Variants in ADTRP observed in about 807,000 individuals in gnomAD.
The protein encoded by ADTRP is androgen-dependent TFPI-regulating protein.
Under a neutral mutation model 27.0 loss-of-function variants are expected in ADTRP, and 20 were observed. That is an observed-to-expected ratio of 0.74 (90% confidence interval 0.52 to 1.08). The LOEUF is 1.08. ADTRP is among the 50% of genes least tolerant of loss of function. The pLI is 0.00. For missense variants in ADTRP, 251 were observed against 275.0 expected (o/e 0.91, Z 0.62); for synonymous variants, 101 against 105.2 (o/e 0.96, Z 0.25).
intron 3 of ADTRP, among the ~76,000 whole-genome samples, chr6:11,749,604 G>T (rs1457292043): frequency 6.6e-6 from 1 of 152,092 alleles, no homozygotes; most frequent in Non-Finnish European, 1.5e-5. Context: ...AACCGAGGTA[G>T]GAGAAGAACA....
intron 4 of ADTRP, among the ~76,000 whole-genome samples, chr6:11,724,613 G>A (rs1208838764): frequency 3.3e-5 from 5 of 152,216 alleles, no homozygotes; most frequent in Non-Finnish European, 4.4e-5. Flanking sequence ...GGAAGCTGAT[G>A]CATCAGCTAC....
chr6:11,746,049 C>T (rs764505850), intron 3 of ADTRP, among the ~76,000 whole-genome samples: 9 of 152,102 alleles, frequency 5.9e-5, no homozygotes, highest in Admixed American at 5.2e-4. Flanking sequence ...CCTTGGCCTC[C>T]GAAAGTGCTG....
chr6:11,777,801 T>C (rs572949485), intron 1 of ADTRP, among the ~76,000 whole-genome samples: 1 of 152,330 alleles, frequency 6.6e-6, no homozygotes, highest in South Asian at 2.1e-4. Flanking sequence ...GGATTACAAT[T>C]CTGAAAACAG....
chr6:11,752,256 T>C (rs1005148214), intron 3 of ADTRP, among the ~76,000 whole-genome samples: 3 of 152,206 alleles, frequency 2.0e-5, no homozygotes, highest in Non-Finnish European at 4.4e-5. Context: ...TTTTATTCAA[T>C]GTTTTGGGTG....
intron 3 of ADTRP, among the ~76,000 whole-genome samples, chr6:11,759,303 T>C (rs1763327016): frequency 6.6e-6 from 1 of 152,216 alleles, no homozygotes; most frequent in Admixed American, 6.5e-5. Flanking sequence ...TTTGGGAATG[T>C]GCTGTCACCT....
At chr6:11,740,960 G>C (rs1175913403) in intron 3 of ADTRP, among the ~76,000 whole-genome samples, 1 of 152,178 alleles carries the variant, frequency 6.6e-6, no homozygotes. Context: ...AGTCTTTTCA[G>C]TCTCAAAGAC....
intron 3 of ADTRP, among the ~76,000 whole-genome samples, chr6:11,756,694 T>C (rs576890694): frequency 6.6e-6 from 1 of 152,296 alleles, no homozygotes; most frequent in African/African-American, 2.4e-5. Flanking sequence ...TTTTTCTGAC[T>C]ATGGGACTGG....
At chr6:11,777,415 G>T (rs1458123977) in intron 1 of ADTRP, among the ~76,000 whole-genome samples, 5 of 152,096 alleles carry the variant, frequency 3.3e-5, no homozygotes, top group African/African-American at 1.2e-4. Context: ...TTAGTGGACT[G>T]TTTTTCATAG....
intron 3 of ADTRP, among the ~76,000 whole-genome samples, chr6:11,745,598 C>T (rs1254798737): frequency 1.3e-5 from 2 of 152,174 alleles, no homozygotes; most frequent in Non-Finnish European, 2.9e-5. Context: ...TGGCAAAAAT[C>T]TTCCTATCCT....
intron 5 of ADTRP, among the ~76,000 whole-genome samples, chr6:11,715,859 G>A (rs1446345818): frequency 1.6e-5 from 2 of 122,254 alleles, no homozygotes; most frequent in African/African-American, 6.7e-5. Flanking sequence ...TTAGATACAG[G>A]GTCTCACTAT....
At chr6:11,766,827 T>C (rs577757351) in intron 2 of ADTRP, among the ~76,000 whole-genome samples, 2 of 152,288 alleles carry the variant, frequency 1.3e-5, no homozygotes, top group East Asian at 3.9e-4. Context: ...GAACCATAAG[T>C]GCCAATCTCC....
intron 3 of ADTRP, among the ~76,000 whole-genome samples, chr6:11,756,803 C>G (rs73721804): frequency 3.2e-4 from 48 of 152,298 alleles, no homozygotes; most frequent in African/African-American, 1.1e-3. Context: ...TATCACTAAT[C>G]AGTTCTGTGG....
At chr6:11,755,884 A>G (rs112676549) in intron 3 of ADTRP, among the ~76,000 whole-genome samples, 1,772 of 152,290 alleles carry the variant, frequency 0.012, 41 homozygotes, top group African/African-American at 0.04. Context: ...ATGTTTGGCA[A>G]TGCTCTGAAC....
chr6:11,730,830 T>C lies in ADTRP; in HGVS notation c.506+4738A>G, dbSNP rs191880567. Among the ~76,000 whole-genome samples the C allele has an allele frequency of 3.9e-5, 6 of 152,372 alleles. No homozygotes were observed. The East Asian group carries it at 1.2e-3, about 29-fold the overall frequency. ...TACTTTACACACTAGCAGGGACACC[T>C]GCAGCATCAGTAGGTTTCTGGTCTA... On this transcript the variant is annotated intron_variant, in intron 4 of 5. Coordinates refer to ENST00000414691, the MANE Select transcript of ADTRP (RefSeq NM_032744.4).
chr6:11,740,412 A>C (rs776542783), intron 3 of ADTRP, among the ~76,000 whole-genome samples: 15 of 152,230 alleles, frequency 9.9e-5, no homozygotes, highest in Non-Finnish European at 1.6e-4. Context: ...AGAAAATGGA[A>C]GCCTTCACAA....
At chr6:11,753,440 A>T (rs958623501) in intron 3 of ADTRP, among the ~76,000 whole-genome samples, 1 of 152,302 alleles carries the variant, frequency 6.6e-6, no homozygotes, top group Middle Eastern at 3.4e-3. Flanking sequence ...GGTCATTCTC[A>T]TTGGACAGGC....
chr6:11,764,987 C>A (rs1253078859), intron 3 of ADTRP, among the ~76,000 whole-genome samples: 1 of 149,466 alleles, frequency 6.7e-6, no homozygotes, highest in African/African-American at 2.5e-5. Flanking sequence ...AAGAGTTTGA[C>A]AAGAAAAAGT....
rs114573781 is a variant in ADTRP at position 11,753,840 on chromosome 6, T to G, written c.390+12434A>C. Among the ~76,000 whole-genome samples, 534 of 152,310 alleles carry G rather than the reference T, an allele frequency of 3.5e-3. 4 individuals carry two copies. The highest frequency in any genetic ancestry group is 0.012 in the African/African-American group (483 of 41,584). ...CTAAGATGATAGCAAAACCAGCATT[T>G]GCAAGCAATGGCCACATCCTACTGC... On this transcript the variant is annotated intron_variant, in intron 3 of 5. Coordinates refer to ENST00000414691, the MANE Select transcript of ADTRP (RefSeq NM_032744.4).
Position 11,764,750 on chromosome 6 carries a change from C to A in ADTRP, c.390+1524G>T, listed in dbSNP as rs371812413. 4.6e-5 allele frequency among the ~76,000 whole-genome samples: 7 copies of A among 152,182 alleles called. No individual in the cohort carries two copies. In the East Asian group the frequency reaches 9.6e-4, roughly 21 times the overall value. ...ATGAGTTCAGTGGCCTCAGGCACAT[C>A]ACTTATCCTCTCTGAGCTTTTATTT... On this transcript the variant is annotated intron_variant, in intron 3 of 5. Transcript: ENST00000414691.
Sources: allele counts gnomAD v4.1 joint callset (sites outside exome capture counted in the v4.1 genomes callset), GRCh38; gene constraint gnomAD v4.1.1; transcripts MANE v1.5; gene names NCBI Gene and HGNC (gene_info 2026-07-23, HGNC 2026-07-21).